Variants in PDXDC1 observed in about 807,000 individuals in gnomAD.
The protein encoded by PDXDC1 is pyridoxal dependent decarboxylase domain containing 1, also known as pyridoxal-dependent decarboxylase domain-containing protein 1.
PDXDC1 carries 42 observed loss-of-function variants against 100.1 expected under a neutral mutation model. The observed-to-expected ratio is 0.42, with a 90% CI of 0.33 to 0.54. The LOEUF (loss-of-function observed/expected upper bound fraction) is 0.54, where lower values mean the gene tolerates loss of function less well. Ranked by LOEUF, PDXDC1 falls within the 20% of genes least tolerant of loss-of-function variation. PDXDC1 has a pLI of 0.10. For missense variants in PDXDC1, 636 were observed against 979.2 expected (o/e 0.65, Z 4.68); for synonymous variants, 260 against 371.7 (o/e 0.70, Z 3.46).
intron 9 of PDXDC1, 50 bp downstream of exon 9, chr16:15,016,263 T>G: frequency 6.3e-7 from 1 of 1,592,422 alleles, no homozygotes; most frequent in Admixed American, 1.9e-5. Flanking sequence ...CACAGAGTCC[T>G]TATGAGGACT....
At chr16:15,073,922 T>C (rs1357423109) in intron 16 of PDXDC1, among the ~76,000 whole-genome samples, 3 of 152,138 alleles carry the variant, frequency 2.0e-5, no homozygotes, top group African/African-American at 7.2e-5. Flanking sequence ...CAGGCAATGA[T>C]ATGAGAAAAT....
intron 16 of PDXDC1, among the ~76,000 whole-genome samples, chr16:15,076,157 T>C (rs1488712861): frequency 6.6e-6 from 1 of 152,150 alleles, no homozygotes; most frequent in Non-Finnish European, 1.5e-5. Context: ...CCTGAATCCC[T>C]GTCTCAGACT....
At chr16:14,980,554 C>T (rs1308093877) in intron 1 of PDXDC1, among the ~76,000 whole-genome samples, 42 of 152,272 alleles carry the variant, frequency 2.8e-4, no homozygotes, top group Non-Finnish European at 1.5e-5. Context: ...GGCACAGTCT[C>T]GGCTCACTGC....
intron 16 of PDXDC1, among the ~76,000 whole-genome samples, chr16:15,090,860 G>C (rs1021175009): frequency 3.4e-5 from 5 of 147,430 alleles, no homozygotes; most frequent in African/African-American, 1.2e-4. Context: ...TGGAAATGCT[G>C]AATCAGTGGT....
At chr16:15,059,165 C>T (rs1305040295) in intron 16 of PDXDC1, among the ~76,000 whole-genome samples, 1 of 152,140 alleles carries the variant, frequency 6.6e-6, no homozygotes, top group Admixed American at 6.5e-5. Context: ...GAGACTGATT[C>T]AATCAAAGGT....
chr16:15,122,939 G>T (rs2047510190), intron 16 of PDXDC1, among the ~76,000 whole-genome samples: 2 of 150,056 alleles, frequency 1.3e-5, no homozygotes, highest in African/African-American at 4.9e-5. Context: ...AGAAGAAAGG[G>T]GTCTGGGAAA....
intron 16 of PDXDC1, among the ~76,000 whole-genome samples, chr16:15,079,634 C>G (rs1009158620): frequency 1.3e-5 from 2 of 151,740 alleles, no homozygotes. Context: ...GCTCTGTCGC[C>G]CAGGCTGGAG....
chr16:15,036,285 T>C lies in PDXDC1; in HGVS notation c.*10T>C. 1.2e-6 allele frequency: 2 copies of C among 1,611,472 alleles called. No homozygotes were observed. Among genetic ancestry groups the C allele is most frequent in the Non-Finnish European group, 1.7e-6 (2 of 1,178,058 alleles). Reference sequence around the variant, plus strand: ...GGAGAGCTTAAGATGAGACTCATTGTGTGGTTTGAGACTGTACTGAGTATT... The same window carrying C: ...GGAGAGCTTAAGATGAGACTCATTGCGTGGTTTGAGACTGTACTGAGTATT... On this transcript the variant is annotated 3_prime_UTR_variant, in exon 23 of 23. Coordinates refer to ENST00000396410, the MANE Select transcript of PDXDC1 (RefSeq NM_015027.4).
chr16:15,094,237 G>A (rs778325609), intron 16 of PDXDC1: 6 of 1,580,470 alleles, frequency 3.8e-6, no homozygotes, highest in South Asian at 3.5e-5. Flanking sequence ...CCGCCATTGG[G>A]CCGAACTAAC....
At chr16:14,994,764 A>G (rs942993033) in intron 1 of PDXDC1, among the ~76,000 whole-genome samples, 1 of 152,272 alleles carries the variant, frequency 6.6e-6, no homozygotes, top group African/African-American at 2.4e-5. Flanking sequence ...GATTCTTCCT[A>G]CCCATGAGTG....
At chr16:15,147,199 T>C in the PDXDC1 span, among the ~76,000 whole-genome samples, 2 of 151,498 alleles carry the variant, frequency 1.3e-5, no homozygotes, top group African/African-American at 4.9e-5. Context: ...CCCAAGCAGC[T>C]GCACCTGGGT....
At chr16:15,140,935 C>T (rs554428388), downstream of PDXDC1, among the ~76,000 whole-genome samples, 48 of 152,254 alleles carry the variant, frequency 3.2e-4, no homozygotes, top group Admixed American at 2.6e-3. Context: ...ACCCTCCCCA[C>T]GAGTGACCCA....
At position 15,135,641 on chromosome 16, in the gene PDXDC1, G is replaced by C. The variant is rs536605500; in HGVS notation, c.1400-3238G>C. 1.9e-6 allele frequency: 3 copies of C among 1,581,548 alleles called. No homozygotes were observed. In the South Asian group the frequency reaches 3.4e-5, roughly 18 times the overall value. The stretch of plus-strand genomic sequence containing the variant: ...GGGGCATGGAGGACGGCCCTGCCAC[G>C]CACTGACCTGTGTCGAAGCCACACA... On this transcript the variant is annotated intron_variant, in intron 16 of 16. Coordinates refer to the PDXDC1 transcript ENST00000535621.
chr16:15,019,402 GA>G (rs1363609151), intron 12 of PDXDC1, among the ~76,000 whole-genome samples: 2 of 152,294 alleles, frequency 1.3e-5, no homozygotes, highest in Non-Finnish European at 2.9e-5. Flanking sequence ...GGCTCTTGGG[GA>G]CAATTCTAAT....
chr16:15,012,549 G>A (rs1597488889), intron 8 of PDXDC1, among the ~76,000 whole-genome samples: 1 of 152,278 alleles, frequency 6.6e-6, no homozygotes, highest in East Asian at 1.9e-4. Context: ...ATTACTACAT[G>A]TCTGTTAGAA....
chr16:14,998,830 A>G (rs1285314225), intron 3 of PDXDC1, among the ~76,000 whole-genome samples: 15 of 152,400 alleles, frequency 9.8e-5, no homozygotes, highest in Non-Finnish European at 2.1e-4. Context: ...GCAAATTTAA[A>G]TAGACTTATG....
At chr16:15,073,994 C>A (rs533655115) in intron 16 of PDXDC1, among the ~76,000 whole-genome samples, 7 of 152,252 alleles carry the variant, frequency 4.6e-5, no homozygotes, top group Admixed American at 2.6e-4. Flanking sequence ...GTGTGACACC[C>A]AAATTCACTA....
chr16:14,990,022 G>A, intron 1 of PDXDC1: 1 of 1,475,674 alleles, frequency 6.8e-7, no homozygotes, highest in African/African-American at 1.5e-5. Flanking sequence ...AGCAGGTGCA[G>A]GCCGCCCGCC....
At chr16:15,074,617 A>G in intron 16 of PDXDC1, 5 of 800,120 alleles carry the variant, frequency 6.2e-6, no homozygotes, top group Non-Finnish European at 1.9e-6. Flanking sequence ...CTCAATAGAT[A>G]TTTTTACAGG....
Sources: gnomAD v4.1 joint callset for allele counts (sites outside exome capture counted in the v4.1 genomes callset) on GRCh38, gnomAD v4.1.1 for gene constraint, MANE v1.5 for transcripts, NCBI Gene and HGNC (gene_info 2026-07-23, HGNC 2026-07-21) for gene names.